Variants in AMBRA1 observed in about 807,000 individuals in gnomAD.
The protein encoded by AMBRA1 is activating molecule in BECN1-regulated autophagy protein 1.
In AMBRA1, 47 loss-of-function variants were observed where a neutral mutation model predicts 125.4. That is an observed-to-expected ratio of 0.37 (90% CI 0.30 to 0.48). The LOEUF is 0.48. AMBRA1 is among the 20% of genes least tolerant of loss of function. The pLI is 0.99. For missense variants in AMBRA1, 1,331 were observed against 1,693.4 expected (o/e 0.79, Z 3.76); for synonymous variants, 626 against 655.5 (o/e 0.95, Z 0.69).
Position 46,443,469 on chromosome 11 carries a change from C to T in AMBRA1, c.2632+19G>A, listed in dbSNP as rs1194612971. ...AAATATAACCCTTCCACTGATACCC[C>T]CATTTGACATTGACTTACCATTACT... On this transcript the variant is annotated intron_variant, in intron 12 of 17. Transcript: ENST00000683756. The T allele has an allele frequency of 2.5e-6, 4 of 1,591,686 alleles. No homozygotes were observed. Among genetic ancestry groups the T allele is most frequent in the Non-Finnish European group, 3.4e-6 (4 of 1,159,622 alleles).
Position 46,443,530 on chromosome 11 carries a change from A to T in AMBRA1, c.2590T>A (p.Trp864Arg). 1 of 1,614,184 alleles carries T rather than the reference A, an allele frequency of 6.2e-7. No individual in the cohort carries two copies. Among genetic ancestry groups the T allele is most frequent in the Non-Finnish European group, 8.5e-7 (1 of 1,180,020 alleles). ...AGGTCAAACTTAGTGAAGTCCCACC[A>T]CTGGAGCCGGTAGGTAGTATTGGCA... is the stretch of plus-strand genomic sequence containing the variant. ...NIANTTYRLQ[W>R]WDFTKFDLPE... The change falls in exon 12 of 18, where the codon TGG becomes AGG. Residue 864 changes from tryptophan to arginine, a missense_variant. Trp to Arg is a moderately radical substitution (Grantham distance 101, BLOSUM62 -3). This residue lies in a region of AMBRA1 where 354 missense variants were observed against 532.7 expected (regional missense o/e 0.66). Coordinates refer to ENST00000683756, the MANE Select transcript of AMBRA1 (RefSeq NM_001387011.1).
Position 46,565,315 on chromosome 11 carries a change from C to CT in AMBRA1, c.-120-16816dup, listed in dbSNP as rs1190104347. On this transcript the variant is annotated intron_variant, in intron 1 of 17. Coordinates refer to ENST00000683756, the MANE Select transcript of AMBRA1 (RefSeq NM_001387011.1). Reference sequence around the variant, plus strand: ...AATTTGTCATTTTACTTCTGTTTTCCTTTTTTTTTAAATTAAAAAAATCAA... The same window carrying CT: ...AATTTGTCATTTTACTTCTGTTTTCCTTTTTTTTTTAAATTAAAAAAATCAA... Among the ~76,000 whole-genome samples the CT allele has an allele frequency of 6.0e-4, 91 of 151,114 alleles. 1 individual carries two copies. The highest frequency in any genetic ancestry group is 8.0e-4 in the Non-Finnish European group (54 of 67,680).
intron 11 of AMBRA1, among the ~76,000 whole-genome samples, chr11:46,459,836 T>C (rs150383390): frequency 1.3e-5 from 2 of 151,966 alleles, no homozygotes; most frequent in African/African-American, 4.8e-5. Context: ...TCCATTGTAT[T>C]TGACATATAC....
intron 1 of AMBRA1, among the ~76,000 whole-genome samples, chr11:46,552,047 T>G (rs2043017943): frequency 6.7e-6 from 1 of 148,450 alleles, no homozygotes; most frequent in Admixed American, 6.7e-5. Context: ...ATTAACCAAT[T>G]AATTAATCAA....
intron 1 of AMBRA1, among the ~76,000 whole-genome samples, chr11:46,586,676 G>A (rs768378676): frequency 1.3e-5 from 2 of 152,174 alleles, no homozygotes; most frequent in Non-Finnish European, 2.9e-5. Context: ...ACCTAGTGCT[G>A]TTCTAAATGC....
chr11:46,558,924 C>G (rs928699745), intron 1 of AMBRA1, among the ~76,000 whole-genome samples: 1 of 152,144 alleles, frequency 6.6e-6, no homozygotes, highest in African/African-American at 2.4e-5. Flanking sequence ...CTATCATAAA[C>G]AGCAACATCT....
chr11:46,569,440 A>AATATATATAT (rs1243484151), intron 1 of AMBRA1, among the ~76,000 whole-genome samples: 3 of 131,386 alleles, frequency 2.3e-5, no homozygotes, highest in African/African-American at 8.8e-5. Context: ...AAAAAAAAAA[A>AATATATATAT]ATATATATAT....
intron 1 of AMBRA1, among the ~76,000 whole-genome samples, chr11:46,590,930 AAAAC>A (rs915314783): frequency 6.6e-6 from 1 of 151,968 alleles, no homozygotes; most frequent in African/African-American, 2.4e-5. Flanking sequence ...AAAAAAAAGA[AAAAC>A]AAAAAGAAAA....
intron 1 of AMBRA1, among the ~76,000 whole-genome samples, chr11:46,562,969 T>C (rs2043389085): frequency 6.6e-6 from 1 of 152,090 alleles, no homozygotes; most frequent in South Asian, 2.1e-4. Flanking sequence ...CCTAATTTTT[T>C]ATATTTTTAG....
At chr11:46,466,395 A>G (rs941643583) in intron 11 of AMBRA1, among the ~76,000 whole-genome samples, 17 of 152,038 alleles carry the variant, frequency 1.1e-4, no homozygotes, top group African/African-American at 4.1e-4. Context: ...GACCAACCAC[A>G]GCCACAGCCA....
chr11:46,488,517 G>A (rs551876096), intron 11 of AMBRA1, among the ~76,000 whole-genome samples: 22 of 150,974 alleles, frequency 1.5e-4, no homozygotes, highest in Non-Finnish European at 2.8e-4. Flanking sequence ...TAATAATAGA[G>A]ATTTCAATAC....
At chr11:46,520,066 G>C (rs886514411) in intron 7 of AMBRA1, among the ~76,000 whole-genome samples, 1 of 151,396 alleles carries the variant, frequency 6.6e-6, no homozygotes, top group African/African-American at 2.4e-5. Flanking sequence ...TTGAACCCAG[G>C]AGGCAGAGGT....
chr11:46,419,995 T>TACACACACACAC lies in AMBRA1; in HGVS notation c.2977-1955_2977-1944dup, dbSNP rs34070050. Among the ~76,000 whole-genome samples the TACACACACACAC allele has an allele frequency of 4.7e-3, 604 of 129,106 alleles. 9 individuals carry two copies. Among genetic ancestry groups the TACACACACACAC allele is most frequent in the African/African-American group, 9.6e-3 (322 of 33,390 alleles). 84.7% of individuals were successfully genotyped at this position (129,106 alleles called of 152,430 possible). A position where few individuals can be genotyped will look rare whatever the true frequency, so the allele number is the denominator to read the frequency against. ...AAAAGACAGCAGCACGTGTCCTCAA[T>TACACACACACAC]ACACACACACACACACACACACACA... On this transcript the variant is annotated intron_variant, in intron 14 of 17. Transcript: ENST00000683756.
At chr11:46,508,418 A>G (rs374739492) in intron 8 of AMBRA1, 48 bp from the exon 9 acceptor site, 1 of 1,573,128 alleles carries the variant, frequency 6.4e-7, no homozygotes, top group South Asian at 1.1e-5. Flanking sequence ...TAATGTGGGG[A>G]ATACTATGAA....
intron 17 of AMBRA1, among the ~76,000 whole-genome samples, chr11:46,400,819 C>T (rs1945717601): frequency 6.6e-6 from 1 of 152,056 alleles, no homozygotes; most frequent in Non-Finnish European, 1.5e-5. Context: ...AGCATTATGT[C>T]CTCTCTTGCT....
At chr11:46,549,366 A>C (rs1308232170) in intron 1 of AMBRA1, among the ~76,000 whole-genome samples, 1 of 152,262 alleles carries the variant, frequency 6.6e-6, no homozygotes. Context: ...AGTTGAAAGA[A>C]TGGTACAATA....
At chr11:46,461,279 G>A (rs1949078380) in intron 11 of AMBRA1, among the ~76,000 whole-genome samples, 2 of 152,036 alleles carry the variant, frequency 1.3e-5, no homozygotes, top group Admixed American at 6.6e-5. Flanking sequence ...GAGACAAATG[G>A]GGCAAAACAA....
chr11:46,397,861 G>A lies in AMBRA1; in HGVS notation c.3486C>T (p.Ala1162=), dbSNP rs12295608. 19,892 of 1,600,764 alleles carry A rather than the reference G, an allele frequency of 0.012. 2,117 individuals are homozygous for A. In the African/African-American group the frequency reaches 0.23, roughly 19 times the overall value. The part of the protein sequence containing the change: ...QRLMAEGGMT[A]VVQREQSTTM... ...TGGTGCTCTGCTCCCGCTGCACCAC[G>A]GCTGTCATGCCGCCCTCCGCCATCA... Residue 1162 remains alanine (A), a synonymous_variant, in exon 18 of 18, where the codon GCC becomes GCT. Transcript: ENST00000683756.
Position 46,547,817 on chromosome 11 carries a change from C to G in AMBRA1, c.194G>C (p.Arg65Thr). The change falls in exon 3 of 18, where the codon AGG becomes ACG. Residue 65 changes from arginine (R) to threonine (T), a missense_variant and splice_region_variant. Coordinates refer to ENST00000683756, the MANE Select transcript of AMBRA1 (RefSeq NM_001387011.1). ...STFLLAFSPD[R>T]TLLASTHVNH... ...TAAGTTATAGATAAATACTGAGTAC[C>G]TGTCTGGGCTGAAGGCCAATAAGAA... The G allele has an allele frequency of 6.2e-7, 1 of 1,610,792 alleles. No individual in the cohort carries two copies. The highest frequency in any genetic ancestry group is 8.5e-7 in the Non-Finnish European group (1 of 1,178,494).
Sources: allele counts gnomAD v4.1 joint callset (sites outside exome capture counted in the v4.1 genomes callset), GRCh38; gene constraint gnomAD v4.1.1; regional missense constraint gnomAD v4.1.1; transcripts MANE v1.5; gene names NCBI Gene and HGNC (gene_info 2026-07-23, HGNC 2026-07-21).